The following SH3BGRL2 variants were observed in gnomAD, a reference collection of about 807,000 sequenced individuals.
SH3BGRL2 encodes the protein SH3 domain binding glutamate rich protein like 2.
In SH3BGRL2, 21 loss-of-function variants were observed where a neutral mutation model predicts 14.8. That is an observed-to-expected ratio of 1.42 (90% CI 1.01 to 2.05). SH3BGRL2 has a LOEUF of 2.05. SH3BGRL2 is among the 30% of genes most tolerant of loss of function. SH3BGRL2 has a pLI of 0.00. For missense variants in SH3BGRL2, 147 were observed against 130.8 expected, an observed-to-expected ratio of 1.12 and a Z score of -0.61; for synonymous variants, 50 against 47.8, an observed-to-expected ratio of 1.05 and a Z score of -0.19.
the SH3BGRL2 span, among the ~76,000 whole-genome samples, chr6:79,593,156 C>T: frequency 2.0e-5 from 3 of 152,144 alleles, no homozygotes; most frequent in African/African-American, 7.2e-5. Flanking sequence ...ATGTTGTTAA[C>T]TAATGACAAT....
chr6:79,580,462 C>T, the SH3BGRL2 span, among the ~76,000 whole-genome samples: 4 of 152,306 alleles, frequency 2.6e-5, no homozygotes, highest in East Asian at 7.7e-4. Flanking sequence ...ACAGAGCAAT[C>T]AAAGTAGAAC....
the SH3BGRL2 span, among the ~76,000 whole-genome samples, chr6:79,601,388 G>T: frequency 5.3e-5 from 8 of 152,096 alleles, no homozygotes; most frequent in Non-Finnish European, 1.5e-5. Flanking sequence ...TAGAGACAGG[G>T]TTTCACCATG....
intron 2 of SH3BGRL2, among the ~76,000 whole-genome samples, chr6:79,695,181 G>C (rs1375050597): frequency 6.6e-6 from 1 of 152,144 alleles, no homozygotes; most frequent in African/African-American, 2.4e-5. Flanking sequence ...TTAAATGCCA[G>C]TTTTCAAAGA....
the SH3BGRL2 span, among the ~76,000 whole-genome samples, chr6:79,582,076 G>A: frequency 0.19 from 28,447 of 152,010 alleles, 2,831 homozygotes; most frequent in Admixed American, 0.24. Context: ...TCCAACTTAC[G>A]AGGGATGTGA....
intron 1 of SH3BGRL2, among the ~76,000 whole-genome samples, chr6:79,634,561 A>G (rs998441853): frequency 9.2e-5 from 14 of 152,218 alleles, no homozygotes; most frequent in African/African-American, 2.4e-5. Flanking sequence ...AAATCCGTCA[A>G]TTATTTCATT....
the SH3BGRL2 span, among the ~76,000 whole-genome samples, chr6:79,606,582 G>A: frequency 1.3e-5 from 2 of 152,136 alleles, no homozygotes; most frequent in East Asian, 3.9e-4. Context: ...TGGTTAAAAT[G>A]TCACAGGTTA....
upstream of SH3BGRL2, among the ~76,000 whole-genome samples, chr6:79,629,298 T>G (rs779915800): frequency 3.9e-5 from 6 of 152,200 alleles, no homozygotes; most frequent in Non-Finnish European, 7.3e-5. Context: ...ATGTCACAAA[T>G]TCAAGCTCTC....
At chr6:79,569,804 A>G in the SH3BGRL2 span, among the ~76,000 whole-genome samples, 32 of 152,170 alleles carry the variant, frequency 2.1e-4, 1 homozygote, top group African/African-American at 6.8e-4. Context: ...TTCTTTGCCT[A>G]ACTTGTCCGA....
At chr6:79,648,390 C>A (rs900266662) in intron 1 of SH3BGRL2, among the ~76,000 whole-genome samples, 1 of 146,570 alleles carries the variant, frequency 6.8e-6, no homozygotes, top group African/African-American at 2.5e-5. Flanking sequence ...ATTTCCCATC[C>A]CTTTCTCATG....
the SH3BGRL2 span, among the ~76,000 whole-genome samples, chr6:79,585,066 T>A: frequency 8.9e-5 from 13 of 145,270 alleles, no homozygotes; most frequent in Non-Finnish European, 3.0e-5. Flanking sequence ...AAAAAAAAAA[T>A]CTAAACAAAG....
the SH3BGRL2 span, among the ~76,000 whole-genome samples, chr6:79,560,842 ATAAAAT>A: frequency 1.3e-5 from 2 of 150,974 alleles, no homozygotes; most frequent in Non-Finnish European, 3.0e-5. Context: ...AGTGGAAGAA[ATAAAAT>A]TAATGTTAAC....
At chr6:79,606,821 T>C in the SH3BGRL2 span, among the ~76,000 whole-genome samples, 1 of 152,180 alleles carries the variant, frequency 6.6e-6, no homozygotes, top group Admixed American at 6.6e-5. Flanking sequence ...ATTCTTGCTT[T>C]CTTTCTTTTT....
At chr6:79,669,599 C>G (rs1291957452) in intron 1 of SH3BGRL2, among the ~76,000 whole-genome samples, 1 of 151,926 alleles carries the variant, frequency 6.6e-6, no homozygotes, top group East Asian at 1.9e-4. Flanking sequence ...CATGCACCAC[C>G]ACGCCTGGCT....
At chr6:79,600,641 A>C in the SH3BGRL2 span, among the ~76,000 whole-genome samples, 1 of 152,232 alleles carries the variant, frequency 6.6e-6, no homozygotes, top group East Asian at 1.9e-4. Flanking sequence ...CTGGTTCAGA[A>C]CCTGCATTTA....
the SH3BGRL2 span, among the ~76,000 whole-genome samples, chr6:79,562,779 T>C: frequency 6.6e-6 from 1 of 152,064 alleles, no homozygotes; most frequent in Non-Finnish European, 1.5e-5. Context: ...ACACTAACAA[T>C]AGCTGATAAG....
At chr6:79,634,325 T>C (rs1242997188) in intron 1 of SH3BGRL2, among the ~76,000 whole-genome samples, 1 of 152,214 alleles carries the variant, frequency 6.6e-6, no homozygotes, top group Non-Finnish European at 1.5e-5. Context: ...CACATTATTA[T>C]GCTACAGATA....
chr6:79,691,387 G>T, intron 2 of SH3BGRL2, among the ~76,000 whole-genome samples: 1 of 150,554 alleles, frequency 6.6e-6, no homozygotes, highest in South Asian at 2.1e-4. Context: ...TAAGTTTTAG[G>T]GTACATGTGC....
chr6:79,643,151 T>C (rs549009455), intron 1 of SH3BGRL2, among the ~76,000 whole-genome samples: 1 of 152,348 alleles, frequency 6.6e-6, no homozygotes, highest in African/African-American at 2.4e-5. Flanking sequence ...TGATTTCTTA[T>C]ACTCATTTTA....
chr6:79,615,942 G>C, the SH3BGRL2 span, among the ~76,000 whole-genome samples: 3 of 149,728 alleles, frequency 2.0e-5, no homozygotes, highest in Admixed American at 6.7e-5. Context: ...TCAGCCTCCG[G>C]AGTAGCTGGG....
Sources: allele counts gnomAD v4.1 joint callset (sites outside exome capture counted in the v4.1 genomes callset), GRCh38; gene constraint gnomAD v4.1.1; transcripts MANE v1.5; gene names NCBI Gene and HGNC (gene_info 2026-07-23, HGNC 2026-07-21).